Variants in IQSEC2 observed in about 807,000 individuals in gnomAD.
IQSEC2 encodes the protein IQ motif and Sec7 domain ArfGEF 2.
Under a neutral mutation model 74.6 loss-of-function variants are expected in IQSEC2, and 6 were observed. That is an observed-to-expected ratio of 0.08 (90% CI 0.04 to 0.16). The LOEUF (loss-of-function observed/expected upper bound fraction) is 0.16, where lower values mean the gene tolerates loss of function less well. IQSEC2 is among the 10% of genes least tolerant of loss of function. The pLI is 1.00. For missense variants in IQSEC2, 734 were observed against 1,306.2 expected, an observed-to-expected ratio of 0.56 and a Z score of 6.75; for synonymous variants, 494 against 544.5, an observed-to-expected ratio of 0.91 and a Z score of 1.29.
chrX:53,256,118 G>A, intron 2 of IQSEC2, 57 bp from the exon 3 acceptor site: 1 of 1,060,524 alleles, frequency 9.4e-7, no homozygotes, highest in Non-Finnish European at 1.3e-6. Flanking sequence ...GGCCTACTGG[G>A]CCATACTGAG....
At chrX:53,310,931 A>G (rs2075314542) in intron 1 of IQSEC2, among the ~76,000 whole-genome samples, 1 of 106,384 alleles carries the variant, frequency 9.4e-6, no homozygotes, top group African/African-American at 3.4e-5. Flanking sequence ...GACTAGCCTG[A>G]CCAACATGGA....
intron 1 of IQSEC2, among the ~76,000 whole-genome samples, chrX:53,298,498 T>C (rs2075178439): frequency 8.9e-6 from 1 of 112,057 alleles, no homozygotes; most frequent in Non-Finnish European, 1.9e-5. Context: ...TTGCATATGA[T>C]GTTTTTTCTC....
At chrX:53,265,231 G>C (rs1327161718) in intron 2 of IQSEC2, among the ~76,000 whole-genome samples, 1 of 110,941 alleles carries the variant, frequency 9.0e-6, no homozygotes, top group East Asian at 2.9e-4. Context: ...GAGTAGATGA[G>C]TTGAGCGAGT....
chrX:53,255,714 C>A, intron 3 of IQSEC2, 86 bp downstream of exon 3: 1 of 1,094,332 alleles, frequency 9.1e-7, no homozygotes, highest in South Asian at 1.9e-5. Flanking sequence ...CTCCCTGATA[C>A]CACCCCCAAG....
At chrX:53,257,057 G>A (rs2074485315) in intron 2 of IQSEC2, among the ~76,000 whole-genome samples, 1 of 111,968 alleles carries the variant, frequency 8.9e-6, no homozygotes, top group Non-Finnish European at 1.9e-5. Flanking sequence ...GAAGGAGTCG[G>A]GCGGGAAGGA....
In IQSEC2 at chrX:53,275,854, T is replaced by C. The variant is rs2074823390; in HGVS notation, c.737+16041A>G. Among the ~76,000 whole-genome samples the C allele has an allele frequency of 1.1e-4, 4 of 37,676 alleles. No homozygotes were observed. The Admixed American group carries it at 1.4e-3, about 13-fold the overall frequency. 32.7% of individuals were successfully genotyped at this position (37,676 alleles called of 115,157 possible). ...GACTACAGGCACCCGCCACCACGCC[T>C]GGCAATTTTTTTTTTTTTTTGTATT... On this transcript the variant is annotated intron_variant, in intron 2 of 14. Coordinates refer to ENST00000642864, the MANE Select transcript of IQSEC2 (RefSeq NM_001111125.3).
At chrX:53,235,708 C>T in intron 14 of IQSEC2, 75 bp downstream of exon 14, 11 of 1,061,650 alleles carry the variant, frequency 1.0e-5, no homozygotes, top group Non-Finnish European at 1.3e-5. Context: ...AGCAACAGGT[C>T]CCCTCCTCCT....
intron 7 of IQSEC2, 145 bp from the exon 8 acceptor site, chrX:53,247,280 G>T (rs970943021): frequency 1.7e-5 from 9 of 526,955 alleles, no homozygotes; most frequent in African/African-American, 1.4e-4. Context: ...GCTTCCCCTA[G>T]ACCAGCATGT....
downstream of IQSEC2, among the ~76,000 whole-genome samples, chrX:53,232,560 A>C (rs2074069872): frequency 9.0e-6 from 1 of 111,245 alleles, no homozygotes; most frequent in South Asian, 3.7e-4. Context: ...ATGGCTTATC[A>C]CCCCAAGTTT....
chrX:53,280,461 G>C (rs989018888), intron 2 of IQSEC2, among the ~76,000 whole-genome samples: 22 of 110,937 alleles, frequency 2.0e-4, no homozygotes, highest in Non-Finnish European at 3.0e-4. Context: ...GAGAGAGGCA[G>C]AGAGCGCCAG....
In IQSEC2 at chrX:53,260,318, G is replaced by A. The variant is rs782364698; in HGVS notation, c.738-4257C>T. Among the ~76,000 whole-genome samples the A allele has an allele frequency of 9.8e-5, 11 of 111,737 alleles. No homozygotes were observed. In the East Asian group the frequency reaches 2.5e-3, roughly 26 times the overall value. The stretch of plus-strand genomic sequence containing the variant: ...AGGTAGAACTGTGTCTGGCATGTTC[G>A]AGAAACAGTGAAGAGGCCAGTGTGG... On this transcript the variant is annotated intron_variant, in intron 2 of 14. Transcript: ENST00000642864.
intron 2 of IQSEC2, among the ~76,000 whole-genome samples, chrX:53,269,532 T>C (rs1287186129): frequency 9.0e-6 from 1 of 110,765 alleles, no homozygotes; most frequent in Non-Finnish European, 1.9e-5. Context: ...TCAACATTTA[T>C]AGAAGCTCAA....
Position 53,256,273 on chromosome X carries a change from C to T in IQSEC2, c.738-212G>A, listed in dbSNP as rs782512906. ...CCAAGTCCCCTCCCTTCCAGCCCCC[C>T]TGCCTTTACGGCAAGATCCTCTTAG... On this transcript the variant is annotated intron_variant, in intron 2 of 14. Coordinates refer to ENST00000642864, the MANE Select transcript of IQSEC2 (RefSeq NM_001111125.3). Among the ~76,000 whole-genome samples, 422 of 110,725 alleles carry T rather than the reference C, an allele frequency of 3.8e-3. 2 individuals carry two copies. The highest frequency in any genetic ancestry group is 0.013 in the African/African-American group (404 of 30,390).
intron 2 of IQSEC2, among the ~76,000 whole-genome samples, chrX:53,275,461 G>A (rs2147225136): frequency 9.0e-6 from 1 of 110,940 alleles, no homozygotes. Context: ...ACTGCACCTG[G>A]CCTGTATTTG....
chrX:53,235,713 C>CCTCCTCTGGGT (rs2074116117), intron 14 of IQSEC2, 70 bp downstream of exon 14: 1 of 1,094,982 alleles, frequency 9.1e-7, no homozygotes, highest in African/African-American at 1.8e-5. Flanking sequence ...CAGGTCCCCT[C>CCTCCTCTGGGT]CTCCTCTGGG....
intron 2 of IQSEC2, among the ~76,000 whole-genome samples, chrX:53,280,600 G>A (rs1022642558): frequency 3.3e-4 from 36 of 110,161 alleles, no homozygotes; most frequent in African/African-American, 1.0e-3. Flanking sequence ...TGCTTTGAAG[G>A]CCAGTGCTTT....
At chrX:53,289,301 TCCTA>T (rs2075069430) in intron 2 of IQSEC2, among the ~76,000 whole-genome samples, 1 of 110,966 alleles carries the variant, frequency 9.0e-6, no homozygotes, top group South Asian at 3.8e-4. Flanking sequence ...TTTCTGCCCT[TCCTA>T]GGCCACAGAG....
rs1246928776 is a variant in IQSEC2, at chrX:53,281,515, G to T, written c.737+10380C>A. 23 of 1,149,717 alleles carry T rather than the reference G, an allele frequency of 2.0e-5. No individual in the cohort carries two copies. The South Asian group carries it at 4.3e-4, about 21-fold the overall frequency. The allele number at this position is 1,149,717 out of a possible 1,213,427, so 94.7% of individuals were successfully genotyped here. On this transcript the variant is annotated intron_variant, in intron 2 of 14. Transcript: ENST00000642864. ...TCCTACCTGCTGCTCCTCCCGGGGG[G>T]CTCCATGGGTCTGGACCTGTCCCAA...
At chrX:53,308,035 G>C (rs1429768749) in intron 1 of IQSEC2, among the ~76,000 whole-genome samples, 6 of 108,839 alleles carry the variant, frequency 5.5e-5, no homozygotes, top group African/African-American at 1.0e-4. Flanking sequence ...ATAGTGGTGG[G>C]CACCTGTAGT....
Sources: gnomAD v4.1 joint callset for allele counts (sites outside exome capture counted in the v4.1 genomes callset) on GRCh38, gnomAD v4.1.1 for gene constraint, MANE v1.5 for transcripts, NCBI Gene and HGNC (gene_info 2026-07-23, HGNC 2026-07-21) for gene names.